STK32B: variants seen among roughly 807,000 people sequenced by gnomAD.
The protein encoded by STK32B is serine/threonine kinase 32B.
STK32B carries 43 observed loss-of-function variants against 52.6 expected under a neutral mutation model. The ratio of observed to expected loss-of-function variants is 0.82; its 90% CI spans 0.64 to 1.05. The LOEUF is 1.05. STK32B is among the 50% of genes least tolerant of loss of function. The pLI is 0.00. For missense variants in STK32B, 621 were observed against 534.6 expected (o/e 1.16, Z -1.59); for synonymous variants, 238 against 204.3 (o/e 1.17, Z -1.41).
chr4:5,358,107 G>C (rs1029068971), intron 4 of STK32B, among the ~76,000 whole-genome samples: 2 of 152,194 alleles, frequency 1.3e-5, no homozygotes, highest in Non-Finnish European at 2.9e-5. Context: ...TGTGATGACA[G>C]AAAAGTGAGA....
chr4:5,150,410 T>C (rs1717251634), intron 2 of STK32B, among the ~76,000 whole-genome samples: 1 of 152,134 alleles, frequency 6.6e-6, no homozygotes, highest in Non-Finnish European at 1.5e-5. Context: ...CCTGGTTCTA[T>C]ATATTAAGTA....
Position 5,453,646 on chromosome 4 carries a change from G to C in STK32B, c.667-3161G>C, listed in dbSNP as rs1029568519. 1.3e-5 allele frequency among the ~76,000 whole-genome samples: 2 copies of C among 152,302 alleles called. No homozygotes were observed. Among genetic ancestry groups the C allele is most frequent in the East Asian group, 1.9e-4 (1 of 5,176 alleles). The stretch of plus-strand genomic sequence containing the variant: ...CGGCTGGGTGCAGTGGCTTACGTCT[G>C]TAATCCCAGCACTCTGGGAGGCTGA... On this transcript the variant is annotated intron_variant, in intron 7 of 11. Transcript: ENST00000282908. The surrounding 1 kb of genome is among the most constrained non-coding windows in gnomAD (Gnocchi z 4.0).
At chr4:5,170,749 G>A (rs1483816991) in intron 3 of STK32B, among the ~76,000 whole-genome samples, 1 of 152,156 alleles carries the variant, frequency 6.6e-6, no homozygotes, top group Non-Finnish European at 1.5e-5. Context: ...TTGCTATTGT[G>A]AATAGTGCCG....
chr4:5,473,184 C>A (rs1717972760), intron 11 of STK32B, among the ~76,000 whole-genome samples: 2 of 152,168 alleles, frequency 1.3e-5, no homozygotes, highest in Non-Finnish European at 2.9e-5. Flanking sequence ...GTGCTTTCAT[C>A]CAGTTGTTTG....
At chr4:5,119,815 A>G (rs1714929205) in intron 1 of STK32B, among the ~76,000 whole-genome samples, 5 of 152,254 alleles carry the variant, frequency 3.3e-5, no homozygotes, top group Admixed American at 6.5e-5. Flanking sequence ...GACTAGAGCT[A>G]CAAGAGTTGC....
chr4:5,100,516 CTT>C, intron 1 of STK32B, among the ~76,000 whole-genome samples: 2 of 47,814 alleles, frequency 4.2e-5, no homozygotes, highest in Non-Finnish European at 1.4e-4. Flanking sequence ...TTCTTCTCTC[CTT>C]CTTCTCTCTT....
intron 7 of STK32B, among the ~76,000 whole-genome samples, chr4:5,451,876 A>ATAAATAGTCCAAAACG (rs1388080276): frequency 6.6e-6 from 1 of 152,164 alleles, no homozygotes; most frequent in Non-Finnish European, 1.5e-5. Flanking sequence ...TGAGGCCATT[A>ATAAATAGTCCAAAACG]GCACAATGCA....
chr4:5,085,475 T>C (rs1355549725), intron 1 of STK32B, among the ~76,000 whole-genome samples: 1 of 152,214 alleles, frequency 6.6e-6, no homozygotes, highest in Non-Finnish European at 1.5e-5. Context: ...TAATGGTTAC[T>C]TCCCCCATGG....
At chr4:5,054,779 T>C (rs771809552) in intron 1 of STK32B, among the ~76,000 whole-genome samples, 2 of 152,218 alleles carry the variant, frequency 1.3e-5, no homozygotes, top group African/African-American at 2.4e-5. Flanking sequence ...ACAAGTCTGA[T>C]TTTTAAGTAC....
intron 1 of STK32B, among the ~76,000 whole-genome samples, chr4:5,111,254 A>G (rs978127827): frequency 7.2e-5 from 11 of 152,138 alleles, no homozygotes; most frequent in Admixed American, 1.3e-4. Flanking sequence ...CAACAACTCC[A>G]CTACTGGGTA....
At chr4:5,444,437 G>T (rs1683435036) in intron 6 of STK32B, among the ~76,000 whole-genome samples, 2 of 152,236 alleles carry the variant, frequency 1.3e-5, no homozygotes, top group South Asian at 4.1e-4. Context: ...CCCAAGTGAG[G>T]CAATGCCTCG....
intron 1 of STK32B, among the ~76,000 whole-genome samples, chr4:5,105,469 C>G (rs959572917): frequency 1.3e-5 from 2 of 152,140 alleles, no homozygotes; most frequent in African/African-American, 2.4e-5. Flanking sequence ...CAGGAGTCCT[C>G]TCTATACTCT....
At chr4:5,304,601 C>T (rs1729794419) in intron 3 of STK32B, among the ~76,000 whole-genome samples, 1 of 151,972 alleles carries the variant, frequency 6.6e-6, no homozygotes, top group African/African-American at 2.4e-5. Context: ...TTAGGGTTTT[C>T]TAGGTATACA....
At chr4:5,297,635 GT>G (rs200463444) in intron 3 of STK32B, among the ~76,000 whole-genome samples, 4,597 of 126,852 alleles carry the variant, frequency 0.036, 84 homozygotes, top group East Asian at 0.046. Flanking sequence ...GGTCATTTAT[GT>G]TTTTTTTTTT....
At chr4:5,163,189 G>A (rs866408250) in intron 2 of STK32B, among the ~76,000 whole-genome samples, 6 of 152,204 alleles carry the variant, frequency 3.9e-5, no homozygotes, top group Admixed American at 2.6e-4. Flanking sequence ...GGCAGAGTAC[G>A]TGAAATATGC....
At chr4:5,102,094 A>G (rs1189855512) in intron 1 of STK32B, among the ~76,000 whole-genome samples, 2 of 152,172 alleles carry the variant, frequency 1.3e-5, no homozygotes, top group Non-Finnish European at 2.9e-5. Flanking sequence ...TAAGGAGTGA[A>G]CCAGTCGGAT....
chr4:5,274,657 A>C (rs1419238038), intron 3 of STK32B, among the ~76,000 whole-genome samples: 2 of 152,188 alleles, frequency 1.3e-5, no homozygotes, highest in East Asian at 3.9e-4. Context: ...AAACCCCGGC[A>C]TTGGAGCTGG....
intron 3 of STK32B, among the ~76,000 whole-genome samples, chr4:5,262,141 C>T (rs185261382): frequency 1.1e-3 from 167 of 152,262 alleles, no homozygotes; most frequent in African/African-American, 3.7e-3. Flanking sequence ...TTGGCAGACA[C>T]AAGTCTAATT....
chr4:5,451,265 C>A (rs923541321), intron 7 of STK32B, among the ~76,000 whole-genome samples: 1 of 152,078 alleles, frequency 6.6e-6, no homozygotes, highest in Non-Finnish European at 1.5e-5. Context: ...CATTGAAGTT[C>A]GGTCACATAT....
Sources: allele counts gnomAD v4.1 joint callset (sites outside exome capture counted in the v4.1 genomes callset), GRCh38; gene constraint gnomAD v4.1.1; non-coding constraint Gnocchi (gnomAD v3.1); transcripts MANE v1.5; gene names NCBI Gene and HGNC (gene_info 2026-07-23, HGNC 2026-07-21).